SNX24: variants seen among roughly 807,000 people sequenced by gnomAD.
SNX24 encodes the protein sorting nexin-24.
In SNX24, 22 loss-of-function variants were observed where a neutral mutation model predicts 28.7. That is an observed-to-expected ratio of 0.77 (90% confidence interval 0.55 to 1.10). The LOEUF is 1.10. SNX24 is among the 50% of genes least tolerant of loss of function. The probability of loss-of-function intolerance (pLI) is 0.00; values close to 1 mark genes in which losing one functional copy is unlikely to be tolerated. For synonymous variants in SNX24, 69 were observed against 71.5 expected, an observed-to-expected ratio of 0.96 and a Z score of 0.18; for missense variants, 221 against 201.1, an observed-to-expected ratio of 1.10 and a Z score of -0.60.
At chr5:122,980,983 C>T (rs930614259) in intron 3 of SNX24, among the ~76,000 whole-genome samples, 9 of 151,958 alleles carry the variant, frequency 5.9e-5, no homozygotes, top group Non-Finnish European at 8.8e-5. Context: ...AAAGGGAATC[C>T]GTAAGCTTAA....
At chr5:123,009,703 T>G (rs1311735738), downstream of SNX24, among the ~76,000 whole-genome samples, 1 of 152,188 alleles carries the variant, frequency 6.6e-6, no homozygotes, top group Non-Finnish European at 1.5e-5. Flanking sequence ...TAGAAACCAG[T>G]GTAGGTCTTT....
At chr5:122,948,925 C>T (rs892305048) in intron 3 of SNX24, among the ~76,000 whole-genome samples, 6 of 152,184 alleles carry the variant, frequency 3.9e-5, no homozygotes, top group African/African-American at 1.4e-4. Context: ...TAATCATAAA[C>T]TATTACTGCC....
chr5:122,936,867 A>G lies in SNX24; in HGVS notation c.144+50A>G, dbSNP rs768882126. 9 of 1,079,336 alleles carry G rather than the reference A, an allele frequency of 8.3e-6. No homozygotes were observed. In the African/African-American group the frequency reaches 1.1e-4, roughly 13 times the overall value. The allele number at this position is 1,079,336 out of a possible 1,614,324, so 66.9% of individuals were successfully genotyped here. ...CTTTTCTCTATGTGGCAGATGGTATAATGTTAACTAACACTCCTTTCTGTG... is the reference window on the plus strand; with the variant it reads ...CTTTTCTCTATGTGGCAGATGGTATGATGTTAACTAACACTCCTTTCTGTG... On this transcript the variant is annotated intron_variant, in intron 2 of 6. Coordinates refer to ENST00000261369, the MANE Select transcript of SNX24 (RefSeq NM_014035.4).
intron 3 of SNX24, among the ~76,000 whole-genome samples, chr5:122,955,540 C>T (rs540910641): frequency 6.6e-6 from 1 of 152,268 alleles, no homozygotes; most frequent in African/African-American, 2.4e-5. Context: ...CTAACAGCTC[C>T]ATCAGGGGAA....
At chr5:122,851,442 C>T (rs922206913) in intron 1 of SNX24, among the ~76,000 whole-genome samples, 3 of 152,188 alleles carry the variant, frequency 2.0e-5, no homozygotes, top group East Asian at 1.9e-4. Context: ...GCTGGGATTA[C>T]AGGCATGAGC....
intron 1 of SNX24, among the ~76,000 whole-genome samples, chr5:122,925,904 A>G (rs1416188996): frequency 6.6e-6 from 1 of 152,206 alleles, no homozygotes; most frequent in Non-Finnish European, 1.5e-5. Context: ...AAACCGATGA[A>G]GTTCCTATCA....
rs1056039268 is a variant in SNX24 at position 122,989,115 on chromosome 5, T to C, written c.250-10797T>C. 9.8e-5 allele frequency among the ~76,000 whole-genome samples: 15 copies of C among 152,300 alleles called. No individual in the cohort carries two copies. The East Asian group carries it at 2.9e-3, about 29-fold the overall frequency. On this transcript the variant is annotated intron_variant, in intron 3 of 6. Coordinates refer to ENST00000261369, the MANE Select transcript of SNX24 (RefSeq NM_014035.4). ...GTTCTATGGGCCAAAAACAGGACTT[T>C]ACAATCTGCAGAAGCATGAGGGCTC...
intron 5 of SNX24, chr5:123,028,676 T>G (rs1762898091): frequency 1.1e-6 from 1 of 936,946 alleles, no homozygotes; most frequent in Non-Finnish European, 1.6e-6. Context: ...TTTACAACTG[T>G]GTTCCTTAGC....
intron 1 of SNX24, among the ~76,000 whole-genome samples, chr5:122,927,450 C>G (rs1581758633): frequency 6.6e-6 from 1 of 152,092 alleles, no homozygotes; most frequent in African/African-American, 2.4e-5. Context: ...TTTAAACCAT[C>G]TGAAAAGGGG....
chr5:122,892,270 A>C lies in SNX24; in HGVS notation c.61-44464A>C, dbSNP rs775660071. Among the ~76,000 whole-genome samples, 78 of 152,094 alleles carry C rather than the reference A, an allele frequency of 5.1e-4. 1 individual carries two copies. The highest frequency in any genetic ancestry group is 6.3e-4 in the Non-Finnish European group (43 of 67,968). On this transcript the variant is annotated intron_variant, in intron 1 of 6. Coordinates refer to ENST00000261369, the MANE Select transcript of SNX24 (RefSeq NM_014035.4). ...ACATTTTATTTATATTTTTTAGTTG[A>C]AGCCTCAGAAAGTTAGTTGTTATCT...
chr5:122,882,940 TGGAGAAA>T (rs1756545602), intron 1 of SNX24, among the ~76,000 whole-genome samples: 2 of 151,834 alleles, frequency 1.3e-5, no homozygotes, highest in Non-Finnish European at 2.9e-5. Context: ...GGAGAGGAAT[TGGAGAAA>T]GCTGGGCAGG....
intron 1 of SNX24, among the ~76,000 whole-genome samples, chr5:122,920,526 C>T (rs1167662572): frequency 2.0e-5 from 3 of 152,208 alleles, no homozygotes; most frequent in Non-Finnish European, 2.9e-5. Context: ...GTGTATATGG[C>T]ACCATCTCTA....
chr5:123,004,812 C>T (rs1055035811), intron 6 of SNX24, among the ~76,000 whole-genome samples: 2 of 152,208 alleles, frequency 1.3e-5, no homozygotes, highest in African/African-American at 4.8e-5. Flanking sequence ...CCAGGGCTCA[C>T]ATTGAATGCC....
intron 6 of SNX24, among the ~76,000 whole-genome samples, chr5:123,005,214 A>G (rs757805270): frequency 6.6e-6 from 1 of 152,060 alleles, no homozygotes; most frequent in Non-Finnish European, 1.5e-5. Context: ...GTCACAGACT[A>G]TCTTATCTTT....
At chr5:122,961,176 G>A (rs905772580) in intron 3 of SNX24, among the ~76,000 whole-genome samples, 42 of 152,184 alleles carry the variant, frequency 2.8e-4, no homozygotes, top group Non-Finnish European at 6.2e-4. Flanking sequence ...ATGAAACTGA[G>A]TAAAGTTGGA....
At chr5:122,878,310 A>G (rs901551072) in intron 1 of SNX24, among the ~76,000 whole-genome samples, 10 of 152,082 alleles carry the variant, frequency 6.6e-5, no homozygotes, top group African/African-American at 2.4e-4. Flanking sequence ...TAGAGAGGGC[A>G]GAGAGGTCAG....
At chr5:122,967,615 G>A (rs1026384087) in intron 3 of SNX24, among the ~76,000 whole-genome samples, 5 of 152,170 alleles carry the variant, frequency 3.3e-5, no homozygotes, top group African/African-American at 9.7e-5. Context: ...CATTTAGACC[G>A]ATAACAGTAC....
At chr5:122,952,788 A>G (rs936977398) in intron 3 of SNX24, among the ~76,000 whole-genome samples, 1 of 152,228 alleles carries the variant, frequency 6.6e-6, no homozygotes, top group Non-Finnish European at 1.5e-5. Context: ...ACAATCCAAG[A>G]ACACATGAGA....
chr5:123,006,727 G>A (rs116039859), intron 6 of SNX24, among the ~76,000 whole-genome samples: 1 of 152,054 alleles, frequency 6.6e-6, no homozygotes. Context: ...AACCCTCCAG[G>A]CTCCCTCTGG....
Sources: gnomAD v4.1 joint callset for allele counts (sites outside exome capture counted in the v4.1 genomes callset) on GRCh38, gnomAD v4.1.1 for gene constraint, MANE v1.5 for transcripts, NCBI Gene and HGNC (gene_info 2026-07-23, HGNC 2026-07-21) for gene names.